RNMT: variants seen among roughly 807,000 people sequenced by gnomAD.
The protein encoded by RNMT is RNA guanine-7 methyltransferase.
A neutral mutation model predicts 56.0 loss-of-function variants in RNMT; 27 were observed. The observed-to-expected ratio is 0.48, with a 90% CI of 0.36 to 0.67. The LOEUF (loss-of-function observed/expected upper bound fraction) is 0.67, where lower values mean the gene tolerates loss of function less well. Ranked by LOEUF, RNMT falls within the 30% of genes least tolerant of loss-of-function variation. The pLI is 0.00. For synonymous variants in RNMT, 184 were observed against 176.2 expected (o/e 1.04, Z -0.35); for missense variants, 519 against 552.1 (o/e 0.94, Z 0.60).
rs138581561 is a variant in RNMT, at chr18:13,742,641, A to G, written c.1128A>G (p.Pro376=). 18 of 1,612,400 alleles carry G rather than the reference A, an allele frequency of 1.1e-5. No homozygotes were observed. Among genetic ancestry groups the G allele is most frequent in the Non-Finnish European group, 1.4e-5 (17 of 1,179,132 alleles). ...TTCCTGAATTCTTGGTCTATTTTCC[A>G]TTGCTAAATGAGTAAGAAGTCATTA... ...VDVPEFLVYF[P]LLNEMAKKYN... Residue 376 remains proline (P), a synonymous_variant, in exon 8 of 12, where the codon CCA becomes CCG. Transcript: ENST00000383314.
chr18:13,751,864 A>G (rs1280194762), intron 9 of RNMT, among the ~76,000 whole-genome samples: 1 of 152,162 alleles, frequency 6.6e-6, no homozygotes, highest in East Asian at 1.9e-4. Context: ...AAACTAACAC[A>G]AGGACAGAAA....
chr18:13,741,338 A>G lies in RNMT; in HGVS notation c.793-172A>G, dbSNP rs190767591. On this transcript the variant is annotated intron_variant, in intron 6 of 11. Coordinates refer to ENST00000383314, the MANE Select transcript of RNMT (RefSeq NM_003799.3). Reference sequence around the variant, plus strand: ...TTAAATACTGTGAAAGTGGGAATCAAATTATTCTGTTAAACTAGAATACAT... The same window carrying G: ...TTAAATACTGTGAAAGTGGGAATCAGATTATTCTGTTAAACTAGAATACAT... Among the ~76,000 whole-genome samples, 44 of 152,350 alleles carry G rather than the reference A, an allele frequency of 2.9e-4. No individual in the cohort carries two copies. In the East Asian group the frequency reaches 3.3e-3, roughly 11 times the overall value.
At chr18:13,749,785 C>T (rs773932750) in intron 9 of RNMT, among the ~76,000 whole-genome samples, 1 of 152,026 alleles carries the variant, frequency 6.6e-6, no homozygotes, top group Non-Finnish European at 1.5e-5. Flanking sequence ...TGCACTGACA[C>T]CATCTTGGCA....
intron 1 of RNMT, among the ~76,000 whole-genome samples, chr18:13,729,818 T>A (rs2044036900): frequency 6.6e-6 from 1 of 152,132 alleles, no homozygotes; most frequent in South Asian, 2.1e-4. Flanking sequence ...TTTTTTTTTT[T>A]AAGTGGGGTC....
At chr18:13,738,067 G>C (rs935072117) in intron 5 of RNMT, among the ~76,000 whole-genome samples, 2 of 151,982 alleles carry the variant, frequency 1.3e-5, no homozygotes, top group African/African-American at 4.8e-5. Context: ...ACAAGCAGAC[G>C]TCAGCGTCTT....
chr18:13,743,244 AC>A (rs1428448666), intron 8 of RNMT, among the ~76,000 whole-genome samples: 5 of 149,150 alleles, frequency 3.4e-5, no homozygotes, highest in Non-Finnish European at 7.4e-5. Flanking sequence ...AATGGCATGA[AC>A]CCGGGAGGCG....
At chr18:13,743,736 AG>A (rs1228754869) in intron 8 of RNMT, among the ~76,000 whole-genome samples, 19 of 151,892 alleles carry the variant, frequency 1.3e-4, no homozygotes. Context: ...GAGAAAAAGA[AG>A]AGGTATATTG....
At position 13,760,159 on chromosome 18, in the gene RNMT, G is replaced by A. The variant is rs182996727; in HGVS notation, c.*180G>A. The A allele has an allele frequency of 2.1e-4, 272 of 1,320,860 alleles. 1 individual carries two copies. The East Asian group carries it at 7.5e-3, about 37-fold the overall frequency. The allele number at this position is 1,320,860 out of a possible 1,614,324, so 81.8% of individuals were successfully genotyped here. On this transcript the variant is annotated 3_prime_UTR_variant, in exon 12 of 12. Transcript: ENST00000383314. The stretch of plus-strand genomic sequence containing the variant: ...GTCTGTGACAGATGAACTTTTGCAT[G>A]TGTATATAAGAATGAGTTGGGACCT...
At chr18:13,755,673 G>A (rs2149107191) in intron 11 of RNMT, among the ~76,000 whole-genome samples, 1 of 152,308 alleles carries the variant, frequency 6.6e-6, no homozygotes, top group African/African-American at 2.4e-5. Flanking sequence ...CGGACTGGAG[G>A]ATGTTATACA....
chr18:13,744,187 A>ATTTTTTTTTTTTTTTTTTTTTTTTT (rs2044311502), intron 8 of RNMT, among the ~76,000 whole-genome samples: 2 of 39,580 alleles, frequency 5.1e-5, no homozygotes, highest in African/African-American at 1.4e-4. Context: ...TTTTTTTTTG[A>ATTTTTTTTTTTTTTTTTTTTTTTTT]CTTAAATTGC....
At chr18:13,732,915 C>T (rs576819904) in intron 3 of RNMT, among the ~76,000 whole-genome samples, 10 of 151,788 alleles carry the variant, frequency 6.6e-5, no homozygotes, top group African/African-American at 1.9e-4. Flanking sequence ...GTGCCCACCA[C>T]CATGCCTGGC....
rs182866114 is a variant in RNMT, at chr18:13,755,589, A to G, written c.1393+1442A>G. Among the ~76,000 whole-genome samples, 146 of 152,316 alleles carry G rather than the reference A, an allele frequency of 9.6e-4. 1 individual carries two copies. Among genetic ancestry groups the G allele is most frequent in the African/African-American group, 3.2e-3 (132 of 41,578 alleles). On this transcript the variant is annotated intron_variant, in intron 11 of 11. Coordinates refer to ENST00000383314, the MANE Select transcript of RNMT (RefSeq NM_003799.3). The stretch of plus-strand genomic sequence containing the variant: ...AGACTTCCTGAGTTGGATAGAGAAG[A>G]AGAGGAAAGGAGTCAAGCAAGACCA...
chr18:13,748,024 G>C (rs551731193), intron 9 of RNMT, among the ~76,000 whole-genome samples: 1 of 152,180 alleles, frequency 6.6e-6, no homozygotes. Flanking sequence ...AGGTATGGTA[G>C]GGTATGGGAT....
At position 13,734,535 on chromosome 18, in the gene RNMT, G is replaced by T; in HGVS notation, c.489G>T (p.Lys163Asn). ...YNELQEVGLE[K>N]RSQSRIFYLR... ...AACTTCAGGAAGTTGGTTTGGAGAA[G>T]CGTAGTCAAAGTCGTATTTTTTACC... The change falls in exon 4 of 12, where the codon AAG becomes AAT. Residue 163 changes from lysine (K) to asparagine (N), a missense_variant. Physicochemically the swap from Lys to Asn is moderately conservative, Grantham distance 94 (BLOSUM62 0). Transcript: ENST00000383314. The T allele has an allele frequency of 6.2e-7, 1 of 1,613,682 alleles. No homozygotes were observed. The highest frequency in any genetic ancestry group is 1.7e-5 in the Admixed American group (1 of 60,014).
chr18:13,737,887 A>G (rs1289160865), intron 5 of RNMT, among the ~76,000 whole-genome samples: 1 of 152,078 alleles, frequency 6.6e-6, no homozygotes, highest in East Asian at 1.9e-4. Flanking sequence ...ATAAAGAGGA[A>G]TTATAGAATT....
At chr18:13,736,123 C>G (rs1466681193) in intron 4 of RNMT, among the ~76,000 whole-genome samples, 1 of 152,124 alleles carries the variant, frequency 6.6e-6, no homozygotes, top group Non-Finnish European at 1.5e-5. Context: ...TATTTTTATG[C>G]TATTAAGATT....
intron 9 of RNMT, 145 bp from the exon 10 acceptor site, chr18:13,752,181 T>C (rs2044460444): frequency 8.6e-6 from 5 of 579,548 alleles, no homozygotes; most frequent in African/African-American, 1.9e-5. Flanking sequence ...TTTTTTTCTG[T>C]ATTTCAAAAG....
chr18:13,754,258 G>T, intron 11 of RNMT, 111 bp downstream of exon 11: 2 of 646,594 alleles, frequency 3.1e-6, no homozygotes, highest in South Asian at 2.1e-5. Flanking sequence ...AGTACTCTCA[G>T]TATTTTGGGA....
chr18:13,746,177 A>G, intron 8 of RNMT, 43 bp from the exon 9 acceptor site: 1 of 1,024,568 alleles, frequency 9.8e-7, no homozygotes, highest in East Asian at 2.4e-5. Context: ...GAGGAATTAC[A>G]AACATGTGGA....
Sources: allele counts gnomAD v4.1 joint callset (sites outside exome capture counted in the v4.1 genomes callset), GRCh38; gene constraint gnomAD v4.1.1; transcripts MANE v1.5; gene names NCBI Gene and HGNC (gene_info 2026-07-23, HGNC 2026-07-21).